Variants in INPP5F observed in about 807,000 individuals in gnomAD.
INPP5F encodes phosphatidylinositide 4-phosphatase SAC2.
INPP5F carries 97 observed loss-of-function variants against 137.2 expected under a neutral mutation model. The observed-to-expected ratio is 0.71, with a 90% confidence interval of 0.60 to 0.84. The LOEUF (loss-of-function observed/expected upper bound fraction) is 0.84. Ranked by LOEUF, INPP5F falls within the 40% of genes least tolerant of loss-of-function variation. The pLI is 0.00. For missense variants in INPP5F, 1,271 were observed against 1,371.9 expected, an observed-to-expected ratio of 0.93 and a Z score of 1.16; for synonymous variants, 504 against 476.9, an observed-to-expected ratio of 1.06 and a Z score of -0.74.
intron 1 of INPP5F, among the ~76,000 whole-genome samples, chr10:119,732,316 C>T (rs373454209): frequency 6.6e-6 from 1 of 151,854 alleles, no homozygotes; most frequent in South Asian, 2.1e-4. Context: ...GGATTGCAGG[C>T]GTGAGCCACC....
At chr10:119,776,806 A>G (rs1849538014) in intron 2 of INPP5F, among the ~76,000 whole-genome samples, 1 of 152,066 alleles carries the variant, frequency 6.6e-6, no homozygotes, top group South Asian at 2.1e-4. Context: ...GCTGGAGTAC[A>G]GTGATCCAGT....
At chr10:119,784,795 T>A (rs1205847986) in intron 3 of INPP5F, among the ~76,000 whole-genome samples, 1 of 152,220 alleles carries the variant, frequency 6.6e-6, no homozygotes, top group Admixed American at 6.5e-5. Flanking sequence ...CCACAATCAA[T>A]TTTAGAACCT....
At chr10:119,778,654 A>G (rs1183827066) in intron 2 of INPP5F, among the ~76,000 whole-genome samples, 2 of 152,168 alleles carry the variant, frequency 1.3e-5, no homozygotes, top group South Asian at 2.1e-4. Context: ...TAGTGTACAC[A>G]CAAAGTAGTT....
intron 3 of INPP5F, among the ~76,000 whole-genome samples, chr10:119,785,567 A>AGAGAGAGAGAGAGACT (rs1849872904): frequency 1.3e-5 from 2 of 150,750 alleles, no homozygotes; most frequent in Non-Finnish European, 2.9e-5. Flanking sequence ...AGAGAGAGAG[A>AGAGAGAGAGAGAGACT]GAGAGAGAGA....
intron 3 of INPP5F, among the ~76,000 whole-genome samples, chr10:119,790,854 C>CTT (rs748562985): frequency 1.3e-5 from 2 of 152,218 alleles, no homozygotes; most frequent in Non-Finnish European, 2.9e-5. Context: ...CTTCTCTTCT[C>CTT]TTAACATAGC....
At chr10:119,736,016 G>C (rs1052698992) in intron 1 of INPP5F, among the ~76,000 whole-genome samples, 1 of 152,140 alleles carries the variant, frequency 6.6e-6, no homozygotes, top group Non-Finnish European at 1.5e-5. Flanking sequence ...GGTAATCCCA[G>C]CTTCTCTGTT....
chr10:119,739,250 A>C (rs901724853), intron 1 of INPP5F, among the ~76,000 whole-genome samples: 3 of 152,294 alleles, frequency 2.0e-5, no homozygotes, highest in African/African-American at 7.2e-5. Context: ...TATTCTAATC[A>C]TGTGTAATAT....
chr10:119,742,397 C>G (rs1341104050), intron 1 of INPP5F, among the ~76,000 whole-genome samples: 2 of 152,142 alleles, frequency 1.3e-5, no homozygotes, highest in East Asian at 1.9e-4. Context: ...ACCTCGTGAT[C>G]CACCTGCCTT....
chr10:119,822,141 G>A (rs570387467), intron 16 of INPP5F, among the ~76,000 whole-genome samples: 2 of 152,144 alleles, frequency 1.3e-5, no homozygotes, highest in African/African-American at 4.8e-5. Context: ...ACCCGCCTCG[G>A]CCCCCTAAAG....
chr10:119,827,748 A>T lies in INPP5F; in HGVS notation c.3367A>T (p.Ile1123Leu). The T allele has an allele frequency of 6.2e-7, 1 of 1,612,536 alleles. No homozygotes were observed. The highest frequency in any genetic ancestry group is 8.5e-7 in the Non-Finnish European group (1 of 1,179,030). ...VQQNELKKMF[I>L]QCQTRIIQI is the part of the protein sequence containing the mutation. ...GCAAAATGAACTTAAAAAGATGTTT[A>T]TACAATGCCAGACACGGATAATTCA... The change falls in exon 20 of 20, where the codon ATA becomes TTA. Residue 1123 changes from isoleucine (I) to leucine (L), a missense_variant. This residue lies in a region of INPP5F where 490 missense variants were observed against 443.7 expected (regional missense o/e 1.10). Transcript: ENST00000650623.
At chr10:119,820,722 A>G (rs1442670270) in intron 15 of INPP5F, 124 bp from the exon 16 acceptor site, 2 of 693,334 alleles carry the variant, frequency 2.9e-6, no homozygotes, top group Non-Finnish European at 5.3e-6. Flanking sequence ...CTCATTGATT[A>G]CCTTCTTCTT....
rs1851835396 is a variant in INPP5F, at chr10:119,827,821, A to G, written c.*41A>G. ...ATCCTTCCATGGCTTTTATTTAAAAATATGAAATTTTCACCTCTTGGGGTA... is the reference window on the plus strand; with the variant it reads ...ATCCTTCCATGGCTTTTATTTAAAAGTATGAAATTTTCACCTCTTGGGGTA... On this transcript the variant is annotated 3_prime_UTR_variant, in exon 20 of 20. Transcript: ENST00000650623. The G allele has an allele frequency of 1.4e-6, 2 of 1,401,062 alleles. No homozygotes were observed. Among genetic ancestry groups the G allele is most frequent in the Admixed American group, 2.1e-5 (1 of 47,410 alleles). 86.8% of individuals were successfully genotyped at this position (1,401,062 alleles called of 1,614,324 possible). A position where few individuals can be genotyped will look rare whatever the true frequency, so the allele number is the denominator to read the frequency against.
At chr10:119,823,738 C>A in intron 18 of INPP5F, 77 bp from the exon 19 acceptor site, 2 of 1,070,088 alleles carry the variant, frequency 1.9e-6, no homozygotes, top group African/African-American at 1.6e-5. Context: ...TTTCATTCAG[C>A]GCTAAATGGG....
rs552389026 is a variant in INPP5F, at chr10:119,812,976, C to T, written c.1886+1021C>T. Among the ~76,000 whole-genome samples, 9 of 151,856 alleles carry T rather than the reference C, an allele frequency of 5.9e-5. No individual in the cohort carries two copies. The South Asian group carries it at 1.9e-3, about 32-fold the overall frequency. ...TCAGAAATAACTGCTGGCAGCACAC[C>T]TGCATTTTCCTTGAGTTTTAACTGC... On this transcript the variant is annotated intron_variant, in intron 15 of 19. Coordinates refer to ENST00000650623, the MANE Select transcript of INPP5F (RefSeq NM_014937.4).
chr10:119,821,361 C>T (rs1014240114), intron 16 of INPP5F, among the ~76,000 whole-genome samples: 1 of 136,682 alleles, frequency 7.3e-6, no homozygotes, highest in South Asian at 2.8e-4. Context: ...TGTGTGTGTG[C>T]ATGTGCCTGC....
intron 13 of INPP5F, among the ~76,000 whole-genome samples, chr10:119,808,962 C>T (rs1850914248): frequency 6.6e-6 from 1 of 152,124 alleles, no homozygotes; most frequent in African/African-American, 2.4e-5. Context: ...AGTGGCTCAA[C>T]CCTGTAATCC....
At chr10:119,797,239 A>G (rs1408276883) in intron 7 of INPP5F, among the ~76,000 whole-genome samples, 1 of 152,182 alleles carries the variant, frequency 6.6e-6, no homozygotes, top group Non-Finnish European at 1.5e-5. Context: ...GCCTTTGGGA[A>G]GACCTTTCTC....
intron 2 of INPP5F, 37 bp from the exon 3 acceptor site, chr10:119,781,598 A>G (rs770512312): frequency 1.9e-6 from 3 of 1,566,432 alleles, no homozygotes; most frequent in African/African-American, 1.4e-5. Context: ...GTAGCACTCT[A>G]AAAACGCCAG....
At chr10:119,818,908 C>T (rs981162280) in intron 15 of INPP5F, 4 of 152,308 alleles carry the variant, frequency 2.6e-5, no homozygotes, top group African/African-American at 9.6e-5. Flanking sequence ...CTATGACTTT[C>T]AAGATTTTTC....
Sources: allele counts gnomAD v4.1 joint callset (sites outside exome capture counted in the v4.1 genomes callset), GRCh38; gene constraint gnomAD v4.1.1; regional missense constraint gnomAD v4.1.1; transcripts MANE v1.5; gene names NCBI Gene and HGNC (gene_info 2026-07-23, HGNC 2026-07-21).